TMEM38A: variants seen among roughly 807,000 people sequenced by gnomAD.
TMEM38A encodes the protein transmembrane protein 38A, also known as trimeric intracellular cation channel type A.
Under a neutral mutation model 28.6 loss-of-function variants are expected in TMEM38A, and 17 were observed. That is an observed-to-expected ratio of 0.60 (90% CI 0.41 to 0.89). The LOEUF is 0.89. TMEM38A is among the 40% of genes least tolerant of loss of function. The pLI, the probability that TMEM38A is intolerant of heterozygous loss-of-function variation, is 0.00. For synonymous variants in TMEM38A, 169 were observed against 166.1 expected (o/e 1.02, Z -0.14); for missense variants, 328 against 393.1 (o/e 0.83, Z 1.40).
intron 1 of TMEM38A, among the ~76,000 whole-genome samples, chr19:16,672,829 CAG>C (rs1345887358): frequency 1.3e-5 from 2 of 152,110 alleles, no homozygotes; most frequent in Non-Finnish European, 2.9e-5. Context: ...ACATCTAAAA[CAG>C]AGATTCTCAA....
At position 16,661,202 on chromosome 19, in the gene TMEM38A, C is replaced by G; in HGVS notation, c.-16C>G. 1.4e-6 allele frequency: 2 copies of G among 1,421,626 alleles called. No homozygotes were observed. The highest frequency in any genetic ancestry group is 9.3e-7 in the Non-Finnish European group (1 of 1,074,098). The allele number at this position is 1,421,626 out of a possible 1,614,324, so 88.1% of individuals were successfully genotyped here. ...GGGGCCCCGGGTGGCACCCGGCAGG[C>G]GGGCAGGCGGGCGCCATGGAGCTGC... On this transcript the variant is annotated 5_prime_UTR_variant, in exon 1 of 6. Transcript: ENST00000187762. The surrounding 1 kb of genome is among the most constrained non-coding windows in gnomAD (Gnocchi z 6.5).
intron 1 of TMEM38A, among the ~76,000 whole-genome samples, chr19:16,664,245 G>A (rs1243475014): frequency 1.4e-5 from 2 of 142,734 alleles, no homozygotes; most frequent in East Asian, 2.0e-4. Context: ...ACAAAACCCC[G>A]TCTCCACTAC....
chr19:16,680,340 A>AC, intron 2 of TMEM38A, 57 bp from the exon 3 acceptor site: 1 of 1,592,304 alleles, frequency 6.3e-7, no homozygotes. Flanking sequence ...ACAGCTCCCT[A>AC]CCCCCATCCT....
rs534977588 is a variant in TMEM38A at position 16,688,808 on chromosome 19, C to T, written c.*437C>T. ...AGGAGTTCAAGACCAGCTTGGCCAA[C>T]ATGGTGAAACCCCATCTCTACCAAA... On this transcript the variant is annotated 3_prime_UTR_variant, in exon 6 of 6. Coordinates refer to ENST00000187762, the MANE Select transcript of TMEM38A (RefSeq NM_024074.4). 20 of 152,674 alleles carry T rather than the reference C, an allele frequency of 1.3e-4. No homozygotes were observed. Among genetic ancestry groups the T allele is most frequent in the Non-Finnish European group, 2.8e-4 (19 of 68,424 alleles). The allele number at this position is 152,674 out of a possible 1,614,324, so 9.5% of individuals were successfully genotyped here.
chr19:16,674,941 T>A (rs1435852821), intron 1 of TMEM38A, among the ~76,000 whole-genome samples: 1 of 152,160 alleles, frequency 6.6e-6, no homozygotes, highest in Non-Finnish European at 1.5e-5. Flanking sequence ...CCGTGGTTGC[T>A]GAACTCACGG....
chr19:16,684,061 C>T (rs1164526110), intron 4 of TMEM38A, among the ~76,000 whole-genome samples: 3 of 151,322 alleles, frequency 2.0e-5, no homozygotes, highest in Admixed American at 2.0e-4. Context: ...ACCCGGGAGG[C>T]AGAGGTTGCT....
chr19:16,688,362 G>A lies in TMEM38A; in HGVS notation c.891G>A (p.Lys297=). ...SEGSRKKKAK[K]AD ...GCTCCAGGAAGAAGAAGGCCAAGAA[G>A]GCGGATTAGGGGGTGGCCCAAGGGG... Residue 297 remains lysine (K), a synonymous_variant, in exon 6 of 6, where the codon AAG becomes AAA. Transcript: ENST00000187762. 6.3e-7 allele frequency: 1 copy of A among 1,584,758 alleles called. No individual in the cohort carries two copies. The highest frequency in any genetic ancestry group is 8.6e-7 in the Non-Finnish European group (1 of 1,168,324).
In TMEM38A at chr19:16,686,986, C is replaced by G. The variant is rs555105886; in HGVS notation, c.672+581C>G. Among the ~76,000 whole-genome samples, 6 of 152,248 alleles carry G rather than the reference C, an allele frequency of 3.9e-5. No homozygotes were observed. The South Asian group carries it at 1.0e-3, about 26-fold the overall frequency. ...TCTACCCCAGGCCAAATGTCTTAGT[C>G]CATTCAGGCTGCTGTATAACAGAAT... is the stretch of plus-strand genomic sequence containing the variant. On this transcript the variant is annotated intron_variant, in intron 5 of 5. Transcript: ENST00000187762.
At chr19:16,663,403 T>C (rs557399725) in intron 1 of TMEM38A, among the ~76,000 whole-genome samples, 3 of 152,282 alleles carry the variant, frequency 2.0e-5, no homozygotes, top group East Asian at 3.9e-4. Flanking sequence ...AAGATATTTC[T>C]GCAGAAGTCC....
chr19:16,684,308 TA>T (rs541532659), intron 4 of TMEM38A, among the ~76,000 whole-genome samples: 58 of 136,240 alleles, frequency 4.3e-4, no homozygotes, highest in Non-Finnish European at 3.0e-4. Flanking sequence ...ATCCCATCTC[TA>T]AAAAAAAAAA....
intron 1 of TMEM38A, among the ~76,000 whole-genome samples, chr19:16,667,039 C>T (rs1393924877): frequency 2.6e-5 from 4 of 151,118 alleles, no homozygotes; most frequent in Non-Finnish European, 4.4e-5. Context: ...GAGGCCGAGG[C>T]GGGCGGATCA....
At chr19:16,676,046 T>C (rs569342970) in intron 1 of TMEM38A, among the ~76,000 whole-genome samples, 1 of 152,338 alleles carries the variant, frequency 6.6e-6, no homozygotes, top group South Asian at 2.1e-4. Flanking sequence ...TTTTGCTTAG[T>C]CTTTTGATTT....
At chr19:16,666,460 G>C (rs1299669779) in intron 1 of TMEM38A, among the ~76,000 whole-genome samples, 1 of 151,368 alleles carries the variant, frequency 6.6e-6, no homozygotes, top group Non-Finnish European at 1.5e-5. Flanking sequence ...ACAGGGTCTT[G>C]CTCTGTCTCC....
In TMEM38A at chr19:16,661,278, C is replaced by G; in HGVS notation, c.61C>G (p.Leu21Val). The G allele has an allele frequency of 6.3e-7, 1 of 1,599,504 alleles. No individual in the cohort carries two copies. Among genetic ancestry groups the G allele is most frequent in the South Asian group, 1.1e-5 (1 of 89,252 alleles). Residue 21 changes from leucine to valine, a missense_variant, in exon 1 of 6, where the codon CTC becomes GTC. Leu to Val is a conservative substitution (Grantham distance 32, BLOSUM62 1). Coordinates refer to ENST00000187762, the MANE Select transcript of TMEM38A (RefSeq NM_024074.4). The surrounding 1 kb of genome is among the most constrained non-coding windows in gnomAD (Gnocchi z 6.5). ...ELALSFSRVP[L>V]FPVFDLSYFI... is the part of the protein sequence containing the mutation. ...GGCGCTCAGCTTCTCGCGGGTGCCG[C>G]TCTTCCCCGTCTTCGACCTCAGTTA...
intron 1 of TMEM38A, among the ~76,000 whole-genome samples, chr19:16,671,514 C>T (rs1315075187): frequency 2.0e-5 from 3 of 150,892 alleles, no homozygotes; most frequent in African/African-American, 7.3e-5. Flanking sequence ...TGGCCGTCAT[C>T]TTGGTCTTTT....
Position 16,687,798 on chromosome 19 carries a change from C to T in TMEM38A, c.673-346C>T, listed in dbSNP as rs116088294. On this transcript the variant is annotated intron_variant, in intron 5 of 5. Transcript: ENST00000187762. ...ATACCATCACCTTTGTGATAGGTTT[C>T]AACATATGAATTTGGGAGGACACAG... is the stretch of plus-strand genomic sequence containing the variant. Among the ~76,000 whole-genome samples the T allele has an allele frequency of 3.0e-3, 455 of 152,290 alleles. 1 individual carries two copies. Among genetic ancestry groups the T allele is most frequent in the African/African-American group, 0.01 (433 of 41,572 alleles).
At chr19:16,687,562 G>C (rs111595884) in intron 5 of TMEM38A, among the ~76,000 whole-genome samples, 6,879 of 152,164 alleles carry the variant, frequency 0.045, 462 homozygotes, top group African/African-American at 0.15. Context: ...TACAGTTCTG[G>C]AGGCTGGGAA....
rs1740279503 is a variant in TMEM38A at position 16,661,151 on chromosome 19, C to T, written c.-67C>T. ...CAGCTGCGGGGGCGCAGTCGCCGGG[C>T]CGCGGGCGGCGGGACGGACGAGGCC... is the stretch of plus-strand genomic sequence containing the variant. On this transcript the variant is annotated 5_prime_UTR_variant, in exon 1 of 6. Transcript: ENST00000187762. This position sits in a 1 kb window ranked among gnomAD's most constrained non-coding sequence, Gnocchi z 6.5. The T allele has an allele frequency of 1.9e-6, 2 of 1,062,184 alleles. No individual in the cohort carries two copies. Among genetic ancestry groups the T allele is most frequent in the South Asian group, 8.8e-5 (2 of 22,756 alleles). The allele number at this position is 1,062,184 out of a possible 1,614,324, so 65.8% of individuals were successfully genotyped here. A position where few individuals can be genotyped will look rare whatever the true frequency, so the allele number is the denominator to read the frequency against.
At chr19:16,679,227 G>A (rs1487144874) in intron 1 of TMEM38A, among the ~76,000 whole-genome samples, 2 of 150,882 alleles carry the variant, frequency 1.3e-5, no homozygotes, top group African/African-American at 2.4e-5. Flanking sequence ...ATCAGCTGAG[G>A]TCAGAATAGC....
Sources: gnomAD v4.1 joint callset for allele counts (sites outside exome capture counted in the v4.1 genomes callset) on GRCh38, gnomAD v4.1.1 for gene constraint, Gnocchi (gnomAD v3.1) non-coding constraint, MANE v1.5 for transcripts, NCBI Gene and HGNC (gene_info 2026-07-23, HGNC 2026-07-21) for gene names.